PAG1: variants seen among roughly 807,000 people sequenced by gnomAD.
PAG1 encodes phosphoprotein membrane anchor with glycosphingolipid microdomains 1.
Under a neutral mutation model 31.7 loss-of-function variants are expected in PAG1, and 23 were observed. That is an observed-to-expected ratio of 0.73 (90% CI 0.52 to 1.03). The LOEUF is 1.03. Ranked by LOEUF, PAG1 falls within the 50% of genes least tolerant of loss-of-function variation. The pLI is 0.00. For missense variants in PAG1, 473 were observed against 540.7 expected (o/e 0.87, Z 1.24); for synonymous variants, 214 against 210.3 (o/e 1.02, Z -0.15).
intron 3 of PAG1, among the ~76,000 whole-genome samples, chr8:81,012,913 AT>A (rs1302331146): frequency 1.3e-5 from 2 of 152,024 alleles, no homozygotes; most frequent in Non-Finnish European, 2.9e-5. Context: ...AATTTAAAAA[AT>A]TTTTTTTCAC....
chr8:81,077,599 A>G (rs1381655109), intron 1 of PAG1, among the ~76,000 whole-genome samples: 1 of 152,266 alleles, frequency 6.6e-6, no homozygotes, highest in Non-Finnish European at 1.5e-5. Context: ...TGTAAAGAGA[A>G]TGGCTGTACT....
chr8:81,025,139 A>G (rs1808253056), intron 3 of PAG1, among the ~76,000 whole-genome samples: 1 of 151,920 alleles, frequency 6.6e-6, no homozygotes, highest in Admixed American at 6.6e-5. Flanking sequence ...TTTGCCTCCT[A>G]TGACGGTGGA....
At chr8:80,993,390 C>T (rs1244104045) in intron 3 of PAG1, 83 bp from the exon 4 acceptor site, 28 of 668,876 alleles carry the variant, frequency 4.2e-5, no homozygotes, top group Non-Finnish European at 6.7e-5. Context: ...AGGAGCAAGA[C>T]CTTTGCGCAA....
chr8:81,071,523 G>A (rs910784534), intron 1 of PAG1, among the ~76,000 whole-genome samples: 2 of 152,168 alleles, frequency 1.3e-5, no homozygotes, highest in Admixed American at 6.5e-5. Flanking sequence ...AAACCAGGAG[G>A]ATGCATTTCA....
At chr8:81,018,206 A>G (rs1056646339) in intron 3 of PAG1, among the ~76,000 whole-genome samples, 3 of 152,254 alleles carry the variant, frequency 2.0e-5, no homozygotes, top group African/African-American at 7.2e-5. Context: ...TAAATACCAC[A>G]TAACATTATT....
chr8:81,053,011 C>T (rs1235627635), intron 2 of PAG1, among the ~76,000 whole-genome samples: 1 of 152,140 alleles, frequency 6.6e-6, no homozygotes, highest in Non-Finnish European at 1.5e-5. Flanking sequence ...TTTTACAATG[C>T]TCTTCTGTGC....
intron 1 of PAG1, among the ~76,000 whole-genome samples, chr8:81,076,322 G>A (rs112065905): frequency 4.6e-5 from 7 of 152,334 alleles, no homozygotes; most frequent in African/African-American, 1.7e-4. Flanking sequence ...CCATGATTCA[G>A]AGATAACAAT....
At chr8:81,035,206 A>T (rs180994575) in intron 2 of PAG1, among the ~76,000 whole-genome samples, 8 of 152,244 alleles carry the variant, frequency 5.3e-5, no homozygotes, top group Admixed American at 1.3e-4. Flanking sequence ...TCAGAGTAAG[A>T]GCCACAGTTC....
chr8:81,048,818 C>A (rs1055431483), intron 2 of PAG1, among the ~76,000 whole-genome samples: 2 of 152,126 alleles, frequency 1.3e-5, no homozygotes, highest in African/African-American at 4.8e-5. Context: ...CCTGCCTGGA[C>A]AAAGTTTTGT....
At chr8:81,089,053 T>G (rs1809404777) in intron 1 of PAG1, among the ~76,000 whole-genome samples, 1 of 152,208 alleles carries the variant, frequency 6.6e-6, no homozygotes, top group Non-Finnish European at 1.5e-5. Context: ...GATCTGAGAT[T>G]TCACCCAACT....
chr8:81,058,028 T>A (rs1808856408), intron 2 of PAG1, among the ~76,000 whole-genome samples: 2 of 152,080 alleles, frequency 1.3e-5, no homozygotes, highest in Admixed American at 6.6e-5. Context: ...TATCAAAAAC[T>A]TGCCAAGAGA....
At chr8:80,996,290 T>C (rs970464146) in intron 3 of PAG1, among the ~76,000 whole-genome samples, 2 of 152,136 alleles carry the variant, frequency 1.3e-5, no homozygotes, top group African/African-American at 4.8e-5. Flanking sequence ...TGAGTGTTGG[T>C]GGTGGGGAGG....
At position 81,087,916 on chromosome 8, in the gene PAG1, G is replaced by A. The variant is rs371154004; in HGVS notation, c.-233-17746C>T. ...GTTTTAGGAAAGGGAAGAGATCTGAGATGTCATTGGGCCCCTCCTAAATAC... is the reference window on the plus strand; with the variant it reads ...GTTTTAGGAAAGGGAAGAGATCTGAAATGTCATTGGGCCCCTCCTAAATAC... On this transcript the variant is annotated intron_variant, in intron 1 of 8. Coordinates refer to ENST00000220597, the MANE Select transcript of PAG1 (RefSeq NM_018440.4). Among the ~76,000 whole-genome samples, 3 of 152,336 alleles carry A rather than the reference G, an allele frequency of 2.0e-5. No homozygotes were observed. In the East Asian group the frequency reaches 5.8e-4, roughly 29 times the overall value.
intron 1 of PAG1, among the ~76,000 whole-genome samples, chr8:81,100,103 A>G (rs1484408977): frequency 6.6e-6 from 1 of 152,230 alleles, no homozygotes; most frequent in Non-Finnish European, 1.5e-5. Context: ...ATATTCTCTT[A>G]TATTTAGCAA....
rs1364298934 is a variant in PAG1, at chr8:80,969,740, A to C, written c.*6804T>G. 6.6e-6 allele frequency: 1 copy of C among 152,248 alleles called. No individual in the cohort carries two copies. The highest frequency in any genetic ancestry group is 1.5e-5 in the Non-Finnish European group (1 of 68,034). The allele number at this position is 152,248 out of a possible 1,614,324, so 9.4% of individuals were successfully genotyped here. The stretch of plus-strand genomic sequence containing the variant: ...AAAAAAGTTACACTCTAAAATGTCC[A>C]TTCAAAGAATTAACTGTGATGACTT... On this transcript the variant is annotated 3_prime_UTR_variant, in exon 9 of 9. Transcript: ENST00000220597.
intron 1 of PAG1, among the ~76,000 whole-genome samples, chr8:81,076,876 C>G (rs1809187238): frequency 6.6e-6 from 1 of 152,094 alleles, no homozygotes; most frequent in Non-Finnish European, 1.5e-5. Flanking sequence ...AGGCAAAGAC[C>G]AAATATACTT....
intron 3 of PAG1, among the ~76,000 whole-genome samples, chr8:81,022,356 T>G (rs1808205053): frequency 6.6e-6 from 1 of 152,204 alleles, no homozygotes; most frequent in Non-Finnish European, 1.5e-5. Flanking sequence ...CTTTAGACAT[T>G]TACCAAAGTT....
At position 80,990,602 on chromosome 8, in the gene PAG1, C is replaced by T. The variant is rs1016454584; in HGVS notation, c.177+877G>A. Among the ~76,000 whole-genome samples, 6 of 152,142 alleles carry T rather than the reference C, an allele frequency of 3.9e-5. No homozygotes were observed. The highest frequency in any genetic ancestry group is 7.3e-5 in the Non-Finnish European group (5 of 68,030). On this transcript the variant is annotated intron_variant, in intron 5 of 8. Transcript: ENST00000220597. The surrounding 1 kb of genome is among the most constrained non-coding windows in gnomAD (Gnocchi z 5.1). ...TGCTCAGCCATTCAAAAGCACGGGC[C>T]TGGGTCAGAGAGGACAAGGAAGGAC...
intron 3 of PAG1, among the ~76,000 whole-genome samples, chr8:81,010,661 T>C (rs1385339937): frequency 6.6e-6 from 1 of 152,236 alleles, no homozygotes; most frequent in African/African-American, 2.4e-5. Flanking sequence ...ACAATAACTT[T>C]TCTTTATGAT....
Sources: allele counts gnomAD v4.1 joint callset (sites outside exome capture counted in the v4.1 genomes callset), GRCh38; gene constraint gnomAD v4.1.1; non-coding constraint Gnocchi (gnomAD v3.1); transcripts MANE v1.5; gene names NCBI Gene and HGNC (gene_info 2026-07-23, HGNC 2026-07-21).